The following KCNQ5 variants were observed in gnomAD, a reference collection of about 807,000 sequenced individuals.
KCNQ5 encodes the protein potassium voltage-gated channel subfamily KQT member 5.
In KCNQ5, 30 loss-of-function variants were observed where a neutral mutation model predicts 98.2. The ratio of observed to expected loss-of-function variants is 0.31; its 90% CI spans 0.23 to 0.41. KCNQ5 has a LOEUF of 0.41. Ranked by LOEUF, KCNQ5 falls within the 10% of genes least tolerant of loss-of-function variation. The pLI, the probability that KCNQ5 is intolerant of heterozygous loss-of-function variation, is 1.00. For synonymous variants in KCNQ5, 458 were observed against 449.4 expected (o/e 1.02, Z -0.24); for missense variants, 835 against 1,182.5 (o/e 0.71, Z 4.31).
chr6:73,021,073 T>C (rs1217927373), intron 2 of KCNQ5, among the ~76,000 whole-genome samples: 1 of 152,142 alleles, frequency 6.6e-6, no homozygotes, highest in Non-Finnish European at 1.5e-5. Context: ...GTAATTCCTA[T>C]CAATTTATTA....
intron 1 of KCNQ5, among the ~76,000 whole-genome samples, chr6:72,892,154 G>A (rs1258573505): frequency 6.6e-6 from 1 of 151,968 alleles, no homozygotes; most frequent in African/African-American, 2.4e-5. Flanking sequence ...ACATTTACTG[G>A]GTGCTTGCTA....
chr6:72,713,328 C>T lies in KCNQ5; in HGVS notation c.398+90741C>T, dbSNP rs147601950. Among the ~76,000 whole-genome samples, 125 of 152,268 alleles carry T rather than the reference C, an allele frequency of 8.2e-4. 1 individual carries two copies. Among genetic ancestry groups the T allele is most frequent in the Non-Finnish European group, 1.4e-3 (98 of 68,022 alleles). On this transcript the variant is annotated intron_variant, in intron 1 of 13. Transcript: ENST00000370398. ...CACCCTTCCCCAGCCGTCATAAGTT[C>T]GCCTCTGAAAGGCTTTTCCTATCTT... is the stretch of plus-strand genomic sequence containing the variant.
intron 10 of KCNQ5, among the ~76,000 whole-genome samples, chr6:73,149,621 C>A (rs1181473652): frequency 2.0e-5 from 3 of 151,996 alleles, no homozygotes; most frequent in Non-Finnish European, 4.4e-5. Flanking sequence ...CATGGTGAAA[C>A]CCTGTCTCTA....
chr6:72,707,735 A>T lies in KCNQ5; in HGVS notation c.398+85148A>T, dbSNP rs190864882. On this transcript the variant is annotated intron_variant, in intron 1 of 13. Transcript: ENST00000370398. Reference sequence around the variant, plus strand: ...CAGACACAGAACTTCTTTTATTTTGAGACAGTCTTACTCTGCCACCCAGGC... The same window carrying T: ...CAGACACAGAACTTCTTTTATTTTGTGACAGTCTTACTCTGCCACCCAGGC... Among the ~76,000 whole-genome samples, 61 of 152,300 alleles carry T rather than the reference A, an allele frequency of 4.0e-4. 1 individual carries two copies. The highest frequency in any genetic ancestry group is 1.9e-3 in the South Asian group (9 of 4,824).
intron 3 of KCNQ5, among the ~76,000 whole-genome samples, chr6:73,068,551 C>T (rs1773166377): frequency 6.6e-6 from 1 of 152,110 alleles, no homozygotes; most frequent in Non-Finnish European, 1.5e-5. Flanking sequence ...AACCCTATGA[C>T]ATAGGTACCT....
intron 3 of KCNQ5, among the ~76,000 whole-genome samples, chr6:73,050,433 C>T (rs1772182017): frequency 6.6e-6 from 1 of 152,114 alleles, no homozygotes; most frequent in African/African-American, 2.4e-5. Context: ...TTTAGACTTA[C>T]TTAGAAGTTG....
intron 1 of KCNQ5, among the ~76,000 whole-genome samples, chr6:72,842,825 A>G (rs535552788): frequency 3.1e-4 from 47 of 151,924 alleles, no homozygotes; most frequent in Non-Finnish European, 5.1e-4. Flanking sequence ...CCACTTTTTG[A>G]TGGGGCTCTT....
intron 1 of KCNQ5, among the ~76,000 whole-genome samples, chr6:72,916,916 A>G (rs951762): frequency 6.6e-6 from 1 of 151,980 alleles, no homozygotes; most frequent in Non-Finnish European, 1.5e-5. Flanking sequence ...TTGAAGGGGG[A>G]TGGGTAGACC....
intron 1 of KCNQ5, among the ~76,000 whole-genome samples, chr6:72,817,233 A>C (rs559948492): frequency 6.6e-6 from 1 of 152,232 alleles, no homozygotes; most frequent in African/African-American, 2.4e-5. Flanking sequence ...TGGCATAAAC[A>C]TACCTTCACA....
chr6:72,626,339 A>C (rs2098917969), intron 1 of KCNQ5, among the ~76,000 whole-genome samples: 1 of 152,240 alleles, frequency 6.6e-6, no homozygotes, highest in Non-Finnish European at 1.5e-5. Flanking sequence ...GGAGGGAATG[A>C]ACAATCTTGA....
chr6:73,156,155 G>A (rs938618026), intron 10 of KCNQ5, among the ~76,000 whole-genome samples: 1 of 152,162 alleles, frequency 6.6e-6, no homozygotes, highest in Non-Finnish European at 1.5e-5. Context: ...GAGGGTGGCA[G>A]GGGGTGAGTA....
intron 1 of KCNQ5, among the ~76,000 whole-genome samples, chr6:72,686,394 A>G (rs1463160336): frequency 6.6e-6 from 1 of 152,186 alleles, no homozygotes; most frequent in African/African-American, 2.4e-5. Context: ...TTGTTAATAT[A>G]TGAGGCTGAT....
At chr6:72,754,768 T>A (rs1771874282) in intron 1 of KCNQ5, among the ~76,000 whole-genome samples, 1 of 152,126 alleles carries the variant, frequency 6.6e-6, no homozygotes, top group African/African-American at 2.4e-5. Context: ...ACAATGTTTA[T>A]CCTTTTAATA....
chr6:73,042,256 T>A (rs540345542), intron 3 of KCNQ5, 194 bp downstream of exon 3: 176 of 614,200 alleles, frequency 2.9e-4, no homozygotes, highest in African/African-American at 2.8e-3. Context: ...GATATTTTTA[T>A]TATCCCCATT....
chr6:72,736,236 A>G (rs1770824331), intron 1 of KCNQ5, among the ~76,000 whole-genome samples: 2 of 152,126 alleles, frequency 1.3e-5, no homozygotes, highest in Admixed American at 1.3e-4. Context: ...AGTATAACCC[A>G]AGAAAACAAG....
chr6:72,649,219 G>A (rs887417754), intron 1 of KCNQ5, among the ~76,000 whole-genome samples: 3 of 152,084 alleles, frequency 2.0e-5, no homozygotes, highest in Non-Finnish European at 4.4e-5. Context: ...GCGAAGCTAA[G>A]GTTCTAAACA....
intron 5 of KCNQ5, among the ~76,000 whole-genome samples, chr6:73,102,300 A>G (rs561707656): frequency 6.6e-6 from 1 of 152,194 alleles, no homozygotes; most frequent in African/African-American, 2.4e-5. Context: ...TGAAACTACT[A>G]CAAGAAAACA....
At chr6:73,114,670 G>A (rs1490727019) in intron 7 of KCNQ5, among the ~76,000 whole-genome samples, 2 of 152,154 alleles carry the variant, frequency 1.3e-5, no homozygotes, top group Non-Finnish European at 2.9e-5. Context: ...CTCGAGACAA[G>A]CCTAGGAGGA....
intron 1 of KCNQ5, among the ~76,000 whole-genome samples, chr6:72,827,350 A>C (rs1250919136): frequency 6.6e-6 from 1 of 152,048 alleles, no homozygotes; most frequent in Non-Finnish European, 1.5e-5. Context: ...CAAGAGGTAT[A>C]ATATACAGTT....
Sources: gnomAD v4.1 joint callset for allele counts (sites outside exome capture counted in the v4.1 genomes callset) on GRCh38, gnomAD v4.1.1 for gene constraint, MANE v1.5 for transcripts, NCBI Gene and HGNC (gene_info 2026-07-23, HGNC 2026-07-21) for gene names.